HSDL2: variants seen among roughly 807,000 people sequenced by gnomAD.
HSDL2 encodes hydroxysteroid dehydrogenase like 2.
Under a neutral mutation model 46.3 loss-of-function variants are expected in HSDL2, and 27 were observed. That is an observed-to-expected ratio of 0.58 (90% confidence interval 0.43 to 0.80). HSDL2 has a LOEUF of 0.80. Ranked by LOEUF, HSDL2 falls within the 30% of genes least tolerant of loss-of-function variation. HSDL2 has a pLI of 0.00. For missense variants in HSDL2, 451 were observed against 502.7 expected (o/e 0.90, Z 0.98); for synonymous variants, 153 against 163.6 (o/e 0.94, Z 0.50).
At chr9:112,382,067 G>A (rs1025151861) in intron 1 of HSDL2, among the ~76,000 whole-genome samples, 4 of 152,046 alleles carry the variant, frequency 2.6e-5, no homozygotes, top group Non-Finnish European at 4.4e-5. Flanking sequence ...GTGAAACTCC[G>A]TCTCCACTAA....
intron 10 of HSDL2, among the ~76,000 whole-genome samples, chr9:112,463,720 G>C (rs977806435): frequency 7.9e-5 from 12 of 151,880 alleles, no homozygotes; most frequent in East Asian, 7.8e-4. Flanking sequence ...GAGTGCAGTG[G>C]CATGATCTCG....
At chr9:112,395,834 C>G (rs1413587078) in intron 1 of HSDL2, among the ~76,000 whole-genome samples, 1 of 152,152 alleles carries the variant, frequency 6.6e-6, no homozygotes, top group Non-Finnish European at 1.5e-5. Context: ...TCCACATTTC[C>G]AAGTTGTAAC....
intron 3 of HSDL2, among the ~76,000 whole-genome samples, chr9:112,407,757 CACATA>C (rs1462504630): frequency 1.7e-4 from 26 of 152,264 alleles, no homozygotes; most frequent in Middle Eastern, 3.4e-3. Context: ...TGGTAAAATA[CACATA>C]ACATAAAATT....
chr9:112,380,674 A>G (rs1489489601), intron 1 of HSDL2, among the ~76,000 whole-genome samples: 1 of 152,148 alleles, frequency 6.6e-6, no homozygotes, highest in East Asian at 1.9e-4. Context: ...TTTTTTTTTC[A>G]CCTTAAAAAA....
At chr9:112,419,644 A>C (rs1832075421) in intron 6 of HSDL2, among the ~76,000 whole-genome samples, 1 of 152,194 alleles carries the variant, frequency 6.6e-6, no homozygotes, top group Non-Finnish European at 1.5e-5. Context: ...ATTCTAACAA[A>C]TGCTTTTTAA....
chr9:112,448,365 T>C (rs1422941018), intron 8 of HSDL2, among the ~76,000 whole-genome samples: 1 of 152,222 alleles, frequency 6.6e-6, no homozygotes, highest in Non-Finnish European at 1.5e-5. Flanking sequence ...CTTCAGATTT[T>C]ACCATAAGTA....
chr9:112,405,826 T>G (rs1007102794), intron 3 of HSDL2, 104 bp downstream of exon 3: 29 of 719,088 alleles, frequency 4.0e-5, no homozygotes, highest in Non-Finnish European at 6.3e-5. Context: ...TTCTGAGTCT[T>G]TGGAGAAATA....
chr9:112,456,544 C>T (rs1158975333), intron 9 of HSDL2, among the ~76,000 whole-genome samples: 1 of 152,170 alleles, frequency 6.6e-6, no homozygotes, highest in South Asian at 2.1e-4. Flanking sequence ...CTCTATCCTT[C>T]CCTTAAGCAA....
intron 8 of HSDL2, among the ~76,000 whole-genome samples, chr9:112,453,454 G>A (rs62570035): frequency 0.13 from 19,533 of 152,096 alleles, 1,765 homozygotes; most frequent in East Asian, 0.2. Context: ...GTGCAGTAGC[G>A]TGATCTCGGC....
rs1204041231 is a variant in HSDL2 at position 112,459,451 on chromosome 9, G to T, written c.1018G>T (p.Glu340Ter). The change falls in exon 10 of 11, where the codon GAA becomes TAA. Residue 340 changes from glutamate (E) to a stop codon, truncating the protein, a stop_gained and splice_region_variant. Coordinates refer to ENST00000398805, the MANE Select transcript of HSDL2 (RefSeq NM_032303.5). LOFTEE classifies it high-confidence loss of function. ...QAIYLFELSG[E>*]DGGTWFLDLK... ...TTTCTATATGTTTATCTCTCTAGGT[G>T]AAGATGGTGGCACGTGGTTTCTTGA... 1.2e-6 allele frequency: 2 copies of T among 1,613,888 alleles called. No homozygotes were observed. The highest frequency in any genetic ancestry group is 1.7e-6 in the Non-Finnish European group (2 of 1,179,790).
chr9:112,433,679 G>A (rs1832456979), intron 6 of HSDL2: 1 of 152,170 alleles, frequency 6.6e-6, no homozygotes, highest in Non-Finnish European at 1.5e-5. Context: ...GGATTTGAGA[G>A]GGTGTTCAGG....
chr9:112,436,480 G>T (rs1459540413), intron 6 of HSDL2, among the ~76,000 whole-genome samples: 1 of 151,838 alleles, frequency 6.6e-6, no homozygotes, highest in Non-Finnish European at 1.5e-5. Context: ...ATAACTATTT[G>T]TTAAATGAAT....
Position 112,454,089 on chromosome 9 carries a change from T to A in HSDL2, c.942T>A (p.Phe314Leu), listed in dbSNP as rs1832955723. ...KPRSGAVEET[F>L]RIVKDSLSDD... is the part of the protein sequence containing the mutation. ...GTTCTGGAGCTGTGGAAGAAACATT[T>A]AGAATTGTTAAGGACTCTCTCAGTG... Residue 314 changes from phenylalanine (F) to leucine (L), a missense_variant, in exon 9 of 11, where the codon TTT becomes TTA. Phe to Leu is a conservative substitution (Grantham distance 22). Coordinates refer to ENST00000398805, the MANE Select transcript of HSDL2 (RefSeq NM_032303.5). 11 of 1,614,122 alleles carry A rather than the reference T, an allele frequency of 6.8e-6. No individual in the cohort carries two copies. Among genetic ancestry groups the A allele is most frequent in the Non-Finnish European group, 8.5e-6 (10 of 1,179,958 alleles).
intron 2 of HSDL2, among the ~76,000 whole-genome samples, chr9:112,405,005 G>T (rs537473605): frequency 6.6e-6 from 1 of 152,164 alleles, no homozygotes; most frequent in Non-Finnish European, 1.5e-5. Context: ...GTTTATTACA[G>T]CATCTTTACA....
chr9:112,438,681 T>C, intron 7 of HSDL2, 56 bp downstream of exon 7: 1 of 999,532 alleles, frequency 1.0e-6, no homozygotes, highest in Non-Finnish European at 1.5e-6. Flanking sequence ...TTTTCTGCAA[T>C]GAACATATCT....
chr9:112,415,861 A>C (rs1831978324), intron 4 of HSDL2, among the ~76,000 whole-genome samples: 2 of 152,202 alleles, frequency 1.3e-5, no homozygotes, highest in African/African-American at 4.8e-5. Context: ...AGTAGTTTAA[A>C]ATGTATCTTG....
At chr9:112,395,252 C>T (rs753354075) in intron 1 of HSDL2, among the ~76,000 whole-genome samples, 2 of 152,108 alleles carry the variant, frequency 1.3e-5, no homozygotes, top group African/African-American at 2.4e-5. Flanking sequence ...TCTGAGGAGT[C>T]GGCACAGATC....
chr9:112,425,735 T>G (rs1832229150), intron 6 of HSDL2, among the ~76,000 whole-genome samples: 1 of 152,198 alleles, frequency 6.6e-6, no homozygotes, highest in Non-Finnish European at 1.5e-5. Context: ...TGATTTTTAT[T>G]TATTTATTTT....
In HSDL2 at chr9:112,456,887, G is replaced by A. The variant is rs188271634; in HGVS notation, c.1016-2562G>A. On this transcript the variant is annotated intron_variant, in intron 9 of 10. Coordinates refer to ENST00000398805, the MANE Select transcript of HSDL2 (RefSeq NM_032303.5). ...GAAAAATTGTGGAAATCCCTGGGTG[G>A]CTCGTGCCTATTATCCCAGCACTTT... is the stretch of plus-strand genomic sequence containing the variant. 1.6e-3 allele frequency among the ~76,000 whole-genome samples: 247 copies of A among 152,326 alleles called. 1 individual carries two copies. Among genetic ancestry groups the A allele is most frequent in the African/African-American group, 5.8e-3 (242 of 41,582 alleles).
Sources: allele counts gnomAD v4.1 joint callset (sites outside exome capture counted in the v4.1 genomes callset), GRCh38; gene constraint gnomAD v4.1.1; transcripts MANE v1.5; gene names NCBI Gene and HGNC (gene_info 2026-07-23, HGNC 2026-07-21).